The following NECAB1 variants were observed in gnomAD, a reference collection of about 807,000 sequenced individuals.
The protein encoded by NECAB1 is N-terminal EF-hand calcium binding protein 1.
NECAB1 carries 29 observed loss-of-function variants against 57.5 expected under a neutral mutation model. That is an observed-to-expected ratio of 0.50 (90% CI 0.38 to 0.69). The LOEUF (loss-of-function observed/expected upper bound fraction) is 0.69, where lower values mean the gene tolerates loss of function less well. Among genes scored for constraint, NECAB1 ranks in the 30% least tolerant of loss-of-function variants. The probability of loss-of-function intolerance (pLI) is 0.00; values close to 1 mark genes in which losing one functional copy is unlikely to be tolerated. For synonymous variants in NECAB1, 142 were observed against 147.7 expected (o/e 0.96, Z 0.28); for missense variants, 372 against 413.8 (o/e 0.90, Z 0.88).
intron 6 of NECAB1, among the ~76,000 whole-genome samples, chr8:90,918,776 T>C (rs1363562288): frequency 6.6e-6 from 1 of 152,110 alleles, no homozygotes; most frequent in Non-Finnish European, 1.5e-5. Context: ...TGGTCACTGA[T>C]TGGACAGTAA....
At chr8:90,913,463 T>C (rs1388251225) in intron 5 of NECAB1, among the ~76,000 whole-genome samples, 1 of 152,082 alleles carries the variant, frequency 6.6e-6, no homozygotes, top group African/African-American at 2.4e-5. Flanking sequence ...AGGATTAAAC[T>C]GCGTTTGAAA....
intron 5 of NECAB1, among the ~76,000 whole-genome samples, chr8:90,888,822 A>T (rs1809077514): frequency 1.3e-5 from 2 of 152,180 alleles, no homozygotes; most frequent in South Asian, 4.1e-4. Context: ...CTTTGGAATG[A>T]TTTATCCCGT....
intron 3 of NECAB1, among the ~76,000 whole-genome samples, chr8:90,854,549 A>G (rs1414358513): frequency 6.6e-6 from 1 of 152,208 alleles, no homozygotes; most frequent in Non-Finnish European, 1.5e-5. Flanking sequence ...TCTCCTTTAC[A>G]TGTTATAACT....
intron 3 of NECAB1, among the ~76,000 whole-genome samples, chr8:90,867,535 A>G (rs994995182): frequency 4.6e-5 from 7 of 151,274 alleles, no homozygotes; most frequent in African/African-American, 1.5e-4. Flanking sequence ...AATCCTTTAC[A>G]TCTATCTATT....
intron 5 of NECAB1, among the ~76,000 whole-genome samples, chr8:90,916,622 G>T (rs574350559): frequency 6.6e-6 from 1 of 152,276 alleles, no homozygotes; most frequent in East Asian, 1.9e-4. Flanking sequence ...TAGAAAATCA[G>T]ATTTCACTGG....
At chr8:90,952,330 G>A (rs10490979) in intron 12 of NECAB1, among the ~76,000 whole-genome samples, 9,331 of 152,214 alleles carry the variant, frequency 0.061, 358 homozygotes, top group Middle Eastern at 0.12. Flanking sequence ...CCTGGGATTG[G>A]TAAGAAAGTA....
intron 3 of NECAB1, among the ~76,000 whole-genome samples, chr8:90,846,700 A>C (rs1812565902): frequency 6.6e-6 from 1 of 152,226 alleles, no homozygotes; most frequent in Non-Finnish European, 1.5e-5. Flanking sequence ...GAAGCCTCAC[A>C]ATCATGGCAG....
intron 2 of NECAB1, chr8:90,813,195 TAAATA>T (rs1396663500): frequency 7.2e-6 from 1 of 139,616 alleles, no homozygotes; most frequent in Non-Finnish European, 1.5e-5. Context: ...CTCAAAATAA[TAAATA>T]AATTAAATAA....
chr8:90,878,366 T>C (rs796280178), intron 4 of NECAB1, among the ~76,000 whole-genome samples: 3 of 152,318 alleles, frequency 2.0e-5, no homozygotes, highest in African/African-American at 7.2e-5. Context: ...AATGAGTAAG[T>C]GAACACTCGC....
At chr8:90,832,513 G>A (rs191656288) in intron 3 of NECAB1, among the ~76,000 whole-genome samples, 441 of 152,020 alleles carry the variant, frequency 2.9e-3, no homozygotes, top group Non-Finnish European at 3.8e-3. Context: ...AATTTTCTCC[G>A]ACAAAAATGG....
At chr8:90,802,702 AAAG>A (rs1250436586) in intron 2 of NECAB1, among the ~76,000 whole-genome samples, 1 of 152,180 alleles carries the variant, frequency 6.6e-6, no homozygotes, top group East Asian at 1.9e-4. Context: ...TTTCTACACA[AAAG>A]AAGATTATTA....
At chr8:90,891,700 C>CTT (rs558775895) in intron 5 of NECAB1, among the ~76,000 whole-genome samples, 1 of 143,220 alleles carries the variant, frequency 7.0e-6, no homozygotes. Context: ...TTTTCTTTTT[C>CTT]TTTTTTTTTT....
At chr8:90,833,552 T>C (rs1812324247) in intron 3 of NECAB1, among the ~76,000 whole-genome samples, 1 of 152,200 alleles carries the variant, frequency 6.6e-6, no homozygotes, top group Non-Finnish European at 1.5e-5. Flanking sequence ...GAACTCTTTC[T>C]TTCCGCCAGC....
intron 11 of NECAB1, among the ~76,000 whole-genome samples, chr8:90,950,487 T>A (rs754743716): frequency 2.0e-5 from 3 of 152,098 alleles, no homozygotes; most frequent in Non-Finnish European, 4.4e-5. Flanking sequence ...CTTCTGAGAG[T>A]ATATAACAAT....
At chr8:90,885,759 T>C (rs985483338) in intron 5 of NECAB1, among the ~76,000 whole-genome samples, 1 of 152,184 alleles carries the variant, frequency 6.6e-6, no homozygotes, top group Non-Finnish European at 1.5e-5. Flanking sequence ...CAGCTGTAGG[T>C]TCTATCATGA....
intron 10 of NECAB1, among the ~76,000 whole-genome samples, chr8:90,941,254 T>C (rs368057948): frequency 6.6e-5 from 10 of 152,354 alleles, no homozygotes; most frequent in African/African-American, 2.2e-4. Flanking sequence ...CTCTGGTAGA[T>C]GAGGCGCCAA....
chr8:90,868,332 G>C lies in NECAB1; in HGVS notation c.234-3796G>C, dbSNP rs181579043. Among the ~76,000 whole-genome samples the C allele has an allele frequency of 1.3e-3, 201 of 152,336 alleles. 1 individual carries two copies. Among genetic ancestry groups the C allele is most frequent in the Non-Finnish European group, 2.5e-3 (169 of 68,034 alleles). ...TGCTATAAAGATAACTGAAAATGTG[G>C]AAGCAACTTTGGAGCTGAGTAACGG... On this transcript the variant is annotated intron_variant, in intron 3 of 12. Transcript: ENST00000417640.
At chr8:90,954,760 T>C (rs1489623659) in intron 12 of NECAB1, among the ~76,000 whole-genome samples, 1 of 150,412 alleles carries the variant, frequency 6.6e-6, no homozygotes. Context: ...ATGGTATTTA[T>C]AAATATCATA....
intron 3 of NECAB1, among the ~76,000 whole-genome samples, chr8:90,853,752 G>T (rs549829837): frequency 7.9e-5 from 12 of 152,266 alleles, no homozygotes; most frequent in African/African-American, 2.9e-4. Flanking sequence ...AGGTCCAGTT[G>T]CTTGCTGTGA....
Sources: gnomAD v4.1 joint callset for allele counts (sites outside exome capture counted in the v4.1 genomes callset) on GRCh38, gnomAD v4.1.1 for gene constraint, MANE v1.5 for transcripts, NCBI Gene and HGNC (gene_info 2026-07-23, HGNC 2026-07-21) for gene names.